EFCAB6: variants seen among roughly 807,000 people sequenced by gnomAD.
EFCAB6 encodes the protein EF-hand calcium binding domain 6, also known as EF-hand calcium-binding domain-containing protein 6.
EFCAB6 carries 156 observed loss-of-function variants against 169.8 expected under a neutral mutation model. The observed-to-expected ratio is 0.92, with a 90% confidence interval of 0.81 to 1.05. The LOEUF (loss-of-function observed/expected upper bound fraction) is 1.05, where lower values mean the gene tolerates loss of function less well. Among genes scored for constraint, EFCAB6 ranks in the 50% least tolerant of loss-of-function variants. The probability of loss-of-function intolerance (pLI) is 0.00; values close to 1 mark genes in which losing one functional copy is unlikely to be tolerated. For missense variants in EFCAB6, 1,800 were observed against 1,829.1 expected, an observed-to-expected ratio of 0.98 and a Z score of 0.29; for synonymous variants, 698 against 676.4, an observed-to-expected ratio of 1.03 and a Z score of -0.50.
chr22:43,544,363 T>A (rs982255456), intron 27 of EFCAB6, among the ~76,000 whole-genome samples: 3 of 152,228 alleles, frequency 2.0e-5, no homozygotes, highest in Admixed American at 6.5e-5. Flanking sequence ...CCCCTCCTCG[T>A]GTCTCTGGAT....
rs766628923 is a variant in EFCAB6 at position 43,590,241 on chromosome 22, T to A, written c.2877-12A>T. 2 of 1,610,276 alleles carry A rather than the reference T, an allele frequency of 1.2e-6. No homozygotes were observed. The highest frequency in any genetic ancestry group is 3.4e-5 in the Admixed American group (2 of 59,244). The stretch of plus-strand genomic sequence containing the variant: ...CCATAAGCTTATCCCTGAAAGAGAG[T>A]ACATTGCAGACATACCCTAAAATCA... On this transcript the variant is annotated splice_polypyrimidine_tract_variant and intron_variant, in intron 23 of 31. Transcript: ENST00000262726.
In EFCAB6 at chr22:43,789,974, T is replaced by G. The variant is rs1048847194; in HGVS notation, c.-7-7649A>C. Reference sequence around the variant, plus strand: ...ATGGATGTGGATGGCACTATACGAGTATACAGAATCAGACTAGATGATGCT... The same window carrying G: ...ATGGATGTGGATGGCACTATACGAGGATACAGAATCAGACTAGATGATGCT... On this transcript the variant is annotated intron_variant, in intron 2 of 31. Transcript: ENST00000262726. 2.0e-5 allele frequency among the ~76,000 whole-genome samples: 3 copies of G among 152,180 alleles called. No individual in the cohort carries two copies. In the South Asian group the frequency reaches 6.2e-4, roughly 32 times the overall value.
At chr22:43,557,487 C>T (rs1465379287) in intron 26 of EFCAB6, among the ~76,000 whole-genome samples, 1 of 151,988 alleles carries the variant, frequency 6.6e-6, no homozygotes, top group Admixed American at 6.6e-5. Context: ...ATTAGAAAGG[C>T]CTGAATAGAC....
intron 4 of EFCAB6, among the ~76,000 whole-genome samples, 182 bp from the exon 5 acceptor site, chr22:43,765,575 C>A (rs961113195): frequency 5.9e-5 from 9 of 152,110 alleles, no homozygotes; most frequent in African/African-American, 2.2e-4. Flanking sequence ...AACATGCATT[C>A]TCAGCAAATA....
chr22:43,600,323 T>C, intron 22 of EFCAB6, 60 bp from the exon 23 acceptor site: 2 of 1,553,866 alleles, frequency 1.3e-6, no homozygotes, highest in Non-Finnish European at 1.8e-6. Flanking sequence ...GTGCTGATGC[T>C]CAGGGTTTGG....
intron 4 of EFCAB6, among the ~76,000 whole-genome samples, chr22:43,770,206 T>C (rs1214610454): frequency 2.0e-5 from 3 of 152,070 alleles, no homozygotes; most frequent in Non-Finnish European, 4.4e-5. Flanking sequence ...CTTCCTATAT[T>C]GCCCAGGCTG....
chr22:43,553,250 G>C (rs1177202715), intron 27 of EFCAB6: 1 of 152,246 alleles, frequency 6.6e-6, no homozygotes, highest in African/African-American at 2.4e-5. Context: ...CGCAGTGTCT[G>C]CAGGGAACTC....
intron 17 of EFCAB6, among the ~76,000 whole-genome samples, chr22:43,662,124 C>T (rs1266710429): frequency 6.6e-6 from 1 of 150,784 alleles, no homozygotes; most frequent in East Asian, 1.9e-4. Flanking sequence ...CGCCACTGCA[C>T]TCCAGCCTGG....
At chr22:43,614,326 C>T (rs2053542976) in intron 21 of EFCAB6, among the ~76,000 whole-genome samples, 1 of 151,938 alleles carries the variant, frequency 6.6e-6, no homozygotes, top group Non-Finnish European at 1.5e-5. Context: ...AGAAACAGAC[C>T]CACATAATCA....
Position 43,590,174 on chromosome 22 carries a change from G to C in EFCAB6, c.2932C>G (p.Gln978Glu), listed in dbSNP as rs771877899. The C allele has an allele frequency of 1.2e-6, 2 of 1,614,104 alleles. No individual in the cohort carries two copies. Among genetic ancestry groups the C allele is most frequent in the Non-Finnish European group, 1.7e-6 (2 of 1,179,988 alleles). Residue 978 changes from glutamine to glutamate, a missense_variant, in exon 24 of 32, where the codon CAA (glutamine) becomes GAA (glutamate). Transcript: ENST00000262726. The part of the protein sequence containing the change: ...DISKAFTKTD[Q>E]SKTNYISICK... ...ATGGATATGTAGTTGGTTTTGGATT[G>C]ATCAGTTTTGGTGAATGCTTTGCTG...
chr22:43,562,156 C>A (rs925728534), intron 26 of EFCAB6, among the ~76,000 whole-genome samples: 1 of 152,200 alleles, frequency 6.6e-6, no homozygotes, highest in Non-Finnish European at 1.5e-5. Flanking sequence ...GGTTTTATTT[C>A]AAGTATTCAA....
intron 22 of EFCAB6, among the ~76,000 whole-genome samples, chr22:43,607,584 G>A (rs1379278934): frequency 1.3e-5 from 2 of 152,212 alleles, no homozygotes; most frequent in Non-Finnish European, 2.9e-5. Flanking sequence ...TCTTTAAAAA[G>A]TAAGCATTTT....
intron 26 of EFCAB6, among the ~76,000 whole-genome samples, chr22:43,570,876 C>T (rs1466801380): frequency 6.6e-6 from 1 of 152,212 alleles, no homozygotes; most frequent in Non-Finnish European, 1.5e-5. Flanking sequence ...GAGCCCCAGG[C>T]CTTCTGCACA....
chr22:43,678,303 C>T (rs137786), intron 12 of EFCAB6, 140 bp from the exon 13 acceptor site: 480,226 of 704,412 alleles, frequency 0.68, 168,202 homozygotes, highest in East Asian at 0.97. Flanking sequence ...AATACATCGA[C>T]TGATGATCCT....
chr22:43,637,747 G>C (rs117194966), intron 17 of EFCAB6, among the ~76,000 whole-genome samples: 5 of 152,372 alleles, frequency 3.3e-5, no homozygotes, highest in African/African-American at 7.2e-5. Context: ...CAGCTCTGCA[G>C]AGGAGCCTGT....
intron 17 of EFCAB6, among the ~76,000 whole-genome samples, chr22:43,640,589 T>C (rs2055731670): frequency 6.6e-6 from 1 of 152,178 alleles, no homozygotes; most frequent in Non-Finnish European, 1.5e-5. Context: ...GTAGCATTAG[T>C]TACCCAGACC....
At chr22:43,680,799 T>C (rs181588883) in intron 12 of EFCAB6, among the ~76,000 whole-genome samples, 154 of 152,360 alleles carry the variant, frequency 1.0e-3, no homozygotes, top group African/African-American at 3.1e-3. Context: ...GTTAATCTTA[T>C]ATTTCTGCAA....
intron 6 of EFCAB6, among the ~76,000 whole-genome samples, chr22:43,755,330 A>G (rs1041148512): frequency 2.0e-5 from 3 of 152,358 alleles, no homozygotes; most frequent in African/African-American, 4.8e-5. Flanking sequence ...AGTAGCTTTC[A>G]TGGCTAAATT....
At chr22:43,761,831 T>C (rs960199656) in intron 5 of EFCAB6, among the ~76,000 whole-genome samples, 1 of 152,250 alleles carries the variant, frequency 6.6e-6, no homozygotes, top group East Asian at 1.9e-4. Flanking sequence ...CTGATTCTAT[T>C]TGATATTACA....
Sources: gnomAD v4.1 joint callset for allele counts (sites outside exome capture counted in the v4.1 genomes callset) on GRCh38, gnomAD v4.1.1 for gene constraint, MANE v1.5 for transcripts, NCBI Gene and HGNC (gene_info 2026-07-23, HGNC 2026-07-21) for gene names.